Variants in GPR160 observed in about 807,000 individuals in gnomAD.
GPR160 encodes G protein-coupled receptor 160, also known as probable G protein-coupled receptor 160.
In GPR160, 2 loss-of-function variants were observed where a neutral mutation model predicts 2.6. That is an observed-to-expected ratio of 0.77 (90% CI 0.32 to 2.44). The LOEUF is 2.44. Ranked by LOEUF, GPR160 falls within the 30% of genes most tolerant of loss-of-function variation. The pLI, the probability that GPR160 is intolerant of heterozygous loss-of-function variation, is 0.11. For missense variants in GPR160, 351 were observed against 383.6 expected (o/e 0.91, Z 0.71); for synonymous variants, 130 against 132.2 (o/e 0.98, Z 0.12).
In GPR160 at chr3:170,083,929, A is replaced by G. The variant is rs1418537912; in HGVS notation, c.-44A>G. 9.0e-7 allele frequency: 1 copy of G among 1,105,122 alleles called. No individual in the cohort carries two copies. The highest frequency in any genetic ancestry group is 1.2e-6 in the Non-Finnish European group (1 of 800,698). 68.5% of individuals were successfully genotyped at this position (1,105,122 alleles called of 1,614,324 possible). The stretch of plus-strand genomic sequence containing the variant: ...GGGACAGAAAATGAAGCAGTGTTTT[A>G]TCATGTGTATTTCAGCAGGTCTTCT... On this transcript the variant is annotated 5_prime_UTR_variant, in exon 4 of 4. Coordinates refer to ENST00000355897, the MANE Select transcript of GPR160 (RefSeq NM_014373.3).
At chr3:170,048,168 C>T (rs534733111) in intron 2 of GPR160, among the ~76,000 whole-genome samples, 13 of 152,278 alleles carry the variant, frequency 8.5e-5, no homozygotes, top group South Asian at 4.1e-4. Context: ...GAATCGAAAA[C>T]GAAATGCCAT....
intron 2 of GPR160, among the ~76,000 whole-genome samples, chr3:170,076,898 G>A (rs1712880603): frequency 6.6e-6 from 1 of 152,148 alleles, no homozygotes; most frequent in Non-Finnish European, 1.5e-5. Flanking sequence ...CATTTCCAGT[G>A]AGTTAAGCCA....
chr3:170,064,398 C>A (rs2108331144), intron 2 of GPR160, among the ~76,000 whole-genome samples: 1 of 152,226 alleles, frequency 6.6e-6, no homozygotes, highest in Non-Finnish European at 1.5e-5. Flanking sequence ...GCGGGCAGGG[C>A]CGAGACCCCC....
intron 2 of GPR160, among the ~76,000 whole-genome samples, chr3:170,042,387 C>T (rs1407565571): frequency 1.4e-5 from 2 of 147,606 alleles, no homozygotes; most frequent in Admixed American, 6.8e-5. Flanking sequence ...TACCACTGTA[C>T]TCCAGCCTGG....
chr3:170,074,817 C>T (rs1397388365), intron 2 of GPR160, among the ~76,000 whole-genome samples: 2 of 150,694 alleles, frequency 1.3e-5, no homozygotes, highest in Non-Finnish European at 3.0e-5. Flanking sequence ...TTGATTTCTG[C>T]TTTTTTTTTA....
At chr3:170,048,213 A>G (rs902671501) in intron 2 of GPR160, among the ~76,000 whole-genome samples, 1 of 152,220 alleles carries the variant, frequency 6.6e-6, no homozygotes. Context: ...AAGCTAAGCT[A>G]TGGGTACACA....
intron 2 of GPR160, among the ~76,000 whole-genome samples, chr3:170,063,678 A>G (rs1712121564): frequency 6.6e-6 from 1 of 151,590 alleles, no homozygotes; most frequent in African/African-American, 2.4e-5. Context: ...ACGAGGTATG[A>G]GGAAGACGCT....
At chr3:170,059,083 A>G (rs1309607196) in intron 2 of GPR160, among the ~76,000 whole-genome samples, 1 of 152,086 alleles carries the variant, frequency 6.6e-6, no homozygotes, top group Admixed American at 6.6e-5. Flanking sequence ...AAAGATGCAC[A>G]GGAACTATAA....
chr3:170,041,783 C>T (rs565097524), intron 2 of GPR160, among the ~76,000 whole-genome samples: 1 of 152,244 alleles, frequency 6.6e-6, no homozygotes, highest in South Asian at 2.1e-4. Context: ...AAGTATGCAA[C>T]CGTCACGTAA....
chr3:170,070,400 TGTAGATAGCAAG>T (rs1282784186), intron 2 of GPR160, among the ~76,000 whole-genome samples: 2 of 152,228 alleles, frequency 1.3e-5, no homozygotes, highest in Non-Finnish European at 2.9e-5. Flanking sequence ...AAGCCCACTT[TGTAGATAGCAAG>T]GTACTCTTCA....
At chr3:170,041,298 A>ATTTTTTT (rs764849488) in intron 2 of GPR160, among the ~76,000 whole-genome samples, 2 of 120,878 alleles carry the variant, frequency 1.7e-5, no homozygotes, top group East Asian at 5.2e-4. Flanking sequence ...GGATGTAAAG[A>ATTTTTTT]TTTTTTTTTT....
chr3:170,068,589 G>A (rs1712452657), intron 2 of GPR160, among the ~76,000 whole-genome samples: 1 of 152,026 alleles, frequency 6.6e-6, no homozygotes, highest in Non-Finnish European at 1.5e-5. Context: ...CTTTTTCTAG[G>A]AAATTTCCCA....
chr3:170,076,861 CACAT>C (rs1712877556), intron 2 of GPR160, among the ~76,000 whole-genome samples: 3 of 152,120 alleles, frequency 2.0e-5, no homozygotes, highest in Admixed American at 1.3e-4. Context: ...AAAGCTCTTT[CACAT>C]ACATACATTG....
rs367600076 is a variant in GPR160 at position 170,060,454 on chromosome 3, GA to G, written c.-192-19316del. ...AGTCTCAAAGTATTAATTACAAAGG[GA>G]AAAGGTCCTCTACAACAGTAAAATG... On this transcript the variant is annotated intron_variant, in intron 2 of 3. Transcript: ENST00000355897. Among the ~76,000 whole-genome samples, 3 of 152,262 alleles carry G rather than the reference GA, an allele frequency of 2.0e-5. No individual in the cohort carries two copies. The South Asian group carries it at 6.2e-4, about 32-fold the overall frequency.
chr3:170,080,417 G>A (rs1713066610), intron 3 of GPR160, among the ~76,000 whole-genome samples: 1 of 152,116 alleles, frequency 6.6e-6, no homozygotes, highest in Non-Finnish European at 1.5e-5. Flanking sequence ...CAAGTTGCCT[G>A]TCTTCCCCGC....
At chr3:170,077,843 G>A (rs1319902286) in intron 2 of GPR160, 2 of 158,322 alleles carry the variant, frequency 1.3e-5, no homozygotes, top group African/African-American at 2.4e-5. Context: ...GCTTGGCCAG[G>A]GTCTGTGGGA....
rs75486804 is a variant in GPR160 at position 170,060,488 on chromosome 3, C to T, written c.-192-19286C>T. Among the ~76,000 whole-genome samples, 869 of 152,236 alleles carry T rather than the reference C, an allele frequency of 5.7e-3. 9 individuals carry two copies. Among genetic ancestry groups the T allele is most frequent in the African/African-American group, 0.02 (823 of 41,524 alleles). On this transcript the variant is annotated intron_variant, in intron 2 of 3. Transcript: ENST00000355897. ...CTCTACAACAGTAAAATGGACGAGG[C>T]GAGGTGGCTCATGCCTATAATCCCA...
intron 2 of GPR160, chr3:170,077,870 T>C: frequency 6.0e-6 from 1 of 166,012 alleles, no homozygotes; most frequent in South Asian, 1.5e-4. Context: ...CAGCAGCTGG[T>C]GCCCTGTGTG....
chr3:170,063,556 A>C (rs1576902474), intron 2 of GPR160, among the ~76,000 whole-genome samples: 5 of 81,624 alleles, frequency 6.1e-5, no homozygotes, highest in Admixed American at 3.1e-4. Context: ...AAAAAGCAAA[A>C]AAAAAAAAAA....
Sources: gnomAD v4.1 joint callset for allele counts (sites outside exome capture counted in the v4.1 genomes callset) on GRCh38, gnomAD v4.1.1 for gene constraint, MANE v1.5 for transcripts, NCBI Gene and HGNC (gene_info 2026-07-23, HGNC 2026-07-21) for gene names.